Variants in GCA observed in about 807,000 individuals in gnomAD.
GCA encodes the protein grancalcin, also known as grancalcin, EF-hand calcium-binding protein.
Under a neutral mutation model 32.6 loss-of-function variants are expected in GCA, and 30 were observed. That is an observed-to-expected ratio of 0.92 (90% CI 0.69 to 1.25). The LOEUF is 1.25. Among genes scored for constraint, GCA ranks in the 50% most tolerant of loss-of-function variants. GCA has a pLI of 0.00. For missense variants in GCA, 291 were observed against 266.8 expected, an observed-to-expected ratio of 1.09 and a Z score of -0.63; for synonymous variants, 102 against 84.6, an observed-to-expected ratio of 1.21 and a Z score of -1.13.
At chr2:162,336,408 T>A (rs954748999) in intron 1 of GCA, among the ~76,000 whole-genome samples, 1 of 152,244 alleles carries the variant, frequency 6.6e-6, no homozygotes, top group South Asian at 2.1e-4. Flanking sequence ...ATGTCCTCAC[T>A]CAGACATTTT....
At position 162,357,652 on chromosome 2, in the gene GCA, T is replaced by C. The variant is rs1416719893; in HGVS notation, c.454+747T>C. 2.6e-5 allele frequency among the ~76,000 whole-genome samples: 4 copies of C among 151,762 alleles called. No individual in the cohort carries two copies. In the East Asian group the frequency reaches 5.8e-4, roughly 22 times the overall value. On this transcript the variant is annotated intron_variant, in intron 5 of 7. Transcript: ENST00000437150. The stretch of plus-strand genomic sequence containing the variant: ...CAAATTAGTGATTTGTTTGGTTTTG[T>C]TTTATAAATAGACATTTTAATTTAG...
chr2:162,336,232 T>C (rs985522289), intron 1 of GCA, among the ~76,000 whole-genome samples: 2 of 152,214 alleles, frequency 1.3e-5, no homozygotes, highest in Non-Finnish European at 2.9e-5. Flanking sequence ...CATGAAAAGC[T>C]ATATTTTAGG....
At chr2:162,320,938 C>T (rs1485396034) in intron 1 of GCA, among the ~76,000 whole-genome samples, 2 of 152,168 alleles carry the variant, frequency 1.3e-5, no homozygotes, top group African/African-American at 4.8e-5. Context: ...AGTCATCCTC[C>T]TCTAACCCTA....
intron 5 of GCA, among the ~76,000 whole-genome samples, chr2:162,357,844 AG>A (rs1183275384): frequency 6.6e-6 from 1 of 151,642 alleles, no homozygotes. Flanking sequence ...GAATGTAAAA[AG>A]GGTATTCTGG....
At chr2:162,341,848 A>T (rs894702512), upstream of GCA, among the ~76,000 whole-genome samples, 1 of 152,224 alleles carries the variant, frequency 6.6e-6, no homozygotes, top group African/African-American at 2.4e-5. Context: ...GGGTAGTGAA[A>T]TACAATTATC....
chr2:162,353,113 C>G (rs1685082359), intron 3 of GCA, among the ~76,000 whole-genome samples: 1 of 151,946 alleles, frequency 6.6e-6, no homozygotes, highest in African/African-American at 2.4e-5. Context: ...TCTTGTTGTC[C>G]TCTTTTAAAA....
intron 1 of GCA, among the ~76,000 whole-genome samples, chr2:162,328,071 C>A (rs967255600): frequency 6.6e-6 from 1 of 152,102 alleles, no homozygotes; most frequent in African/African-American, 2.4e-5. Flanking sequence ...TCTGGGCTGG[C>A]CAAGGCCGGA....
In GCA at chr2:162,360,982, G is replaced by A; in HGVS notation, c.*739G>A. The A allele has an allele frequency of 9.1e-7, 1 of 1,100,748 alleles. No homozygotes were observed. The highest frequency in any genetic ancestry group is 4.4e-5 in the East Asian group (1 of 22,492). 68.2% of individuals were successfully genotyped at this position (1,100,748 alleles called of 1,614,324 possible). On this transcript the variant is annotated 3_prime_UTR_variant, in exon 8 of 8. Coordinates refer to ENST00000437150, the MANE Select transcript of GCA (RefSeq NM_012198.5). ...CATAGTTCACCTAAAATGGCATCCTGCTCTGAATCTAGACTTTTTAGAAAT... is the reference window on the plus strand; with the variant it reads ...CATAGTTCACCTAAAATGGCATCCTACTCTGAATCTAGACTTTTTAGAAAT...
chr2:162,369,952 A>T (rs1018707572), intron 4 of GCA, among the ~76,000 whole-genome samples: 2 of 152,112 alleles, frequency 1.3e-5, no homozygotes, highest in Non-Finnish European at 2.9e-5. Flanking sequence ...ATAATAGTAT[A>T]TGTTGGAATT....
intron 1 of GCA, among the ~76,000 whole-genome samples, chr2:162,322,970 G>A (rs1683738093): frequency 6.6e-6 from 1 of 151,866 alleles, no homozygotes; most frequent in Non-Finnish European, 1.5e-5. Context: ...CTAGATCCCT[G>A]AGGAATCACC....
At position 162,358,577 on chromosome 2, in the gene GCA, A is replaced by G. The variant is rs192686556; in HGVS notation, c.455-467A>G. On this transcript the variant is annotated intron_variant, in intron 5 of 7. Transcript: ENST00000437150. ...ATGTTTTTCTGTTTTTTTCCCCTGTAGAGTAATCATGTTGATCCTCAAATT... is the reference window on the plus strand; with the variant it reads ...ATGTTTTTCTGTTTTTTTCCCCTGTGGAGTAATCATGTTGATCCTCAAATT... 5.7e-4 allele frequency among the ~76,000 whole-genome samples: 87 copies of G among 151,478 alleles called. 1 individual carries two copies. The South Asian group carries it at 9.3e-3, about 16-fold the overall frequency.
rs1193997371 is a variant in GCA at position 162,356,468 on chromosome 2, T to C, written c.293T>C (p.Ile98Thr). ...AGTTTGGAAACCTGCAGAATTATGA[T>C]TGCCATGTTGGATGTATCCTTGAAT... ...PFSLETCRIM[I>T]AMLDRDHTGK... is the part of the protein sequence containing the mutation. Residue 98 changes from isoleucine to threonine, a missense_variant, in exon 4 of 8, where the codon ATT (isoleucine) becomes ACT (threonine). Physicochemically the swap from Ile to Thr is moderately conservative, Grantham distance 89. Coordinates refer to ENST00000437150, the MANE Select transcript of GCA (RefSeq NM_012198.5). The C allele has an allele frequency of 1.3e-6, 2 of 1,570,764 alleles. No homozygotes were observed. The highest frequency in any genetic ancestry group is 4.5e-5 in the East Asian group (2 of 44,572).
At chr2:162,335,135 G>A (rs1276215543) in intron 1 of GCA, among the ~76,000 whole-genome samples, 1 of 152,150 alleles carries the variant, frequency 6.6e-6, no homozygotes, top group Non-Finnish European at 1.5e-5. Flanking sequence ...TGTGAACACG[G>A]AACCCAATTA....
chr2:162,371,026 G>A (rs1008731792), intron 4 of GCA, among the ~76,000 whole-genome samples: 4 of 152,032 alleles, frequency 2.6e-5, no homozygotes, highest in African/African-American at 9.7e-5. Flanking sequence ...CAAGAAAGCT[G>A]TGGATATCAG....
intron 3 of GCA, among the ~76,000 whole-genome samples, chr2:162,355,461 A>G (rs1291953090): frequency 1.3e-5 from 2 of 152,092 alleles, no homozygotes; most frequent in African/African-American, 4.8e-5. Context: ...GGATAAAATA[A>G]TTTTGAAAAT....
At chr2:162,359,638 C>T (rs990812559) in intron 7 of GCA, 86 bp downstream of exon 7, 14 of 615,574 alleles carry the variant, frequency 2.3e-5, no homozygotes, top group African/African-American at 1.5e-4. Context: ...AGTACCAGTA[C>T]TGGAAATAAT....
At chr2:162,325,453 G>T (rs987069196) in intron 1 of GCA, among the ~76,000 whole-genome samples, 3 of 152,120 alleles carry the variant, frequency 2.0e-5, no homozygotes, top group African/African-American at 7.2e-5. Context: ...TATCCATTAG[G>T]ATTAGTTGCC....
intron 5 of GCA, among the ~76,000 whole-genome samples, chr2:162,357,685 G>A (rs1685350316): frequency 6.6e-6 from 1 of 151,600 alleles, no homozygotes; most frequent in African/African-American, 2.4e-5. Context: ...TAGTAGTAGG[G>A]ACAGTCCAGC....
chr2:162,346,974 C>CTCTA (rs1324992404), intron 1 of GCA, among the ~76,000 whole-genome samples: 79 of 152,164 alleles, frequency 5.2e-4, no homozygotes, highest in Non-Finnish European at 2.1e-4. Context: ...GCATACAGAA[C>CTCTA]TCTATGTCAT....
Sources: gnomAD v4.1 joint callset for allele counts (sites outside exome capture counted in the v4.1 genomes callset) on GRCh38, gnomAD v4.1.1 for gene constraint, MANE v1.5 for transcripts, NCBI Gene and HGNC (gene_info 2026-07-23, HGNC 2026-07-21) for gene names.